Variants in COPS8 observed in about 807,000 individuals in gnomAD.
The protein encoded by COPS8 is COP9 signalosome subunit 8.
A neutral mutation model predicts 31.5 loss-of-function variants in COPS8; 11 were observed. The observed-to-expected ratio is 0.35, with a 90% CI of 0.22 to 0.58. The LOEUF is 0.58. Among genes scored for constraint, COPS8 ranks in the 20% least tolerant of loss-of-function variants. The pLI, the probability that COPS8 is intolerant of heterozygous loss-of-function variation, is 0.83. For missense variants in COPS8, 215 were observed against 255.1 expected (o/e 0.84, Z 1.07); for synonymous variants, 81 against 89.3 (o/e 0.91, Z 0.52).
chr2:237,086,132 A>G, intron 1 of COPS8, 90 bp downstream of exon 1: 3 of 1,282,388 alleles, frequency 2.3e-6, no homozygotes, highest in Non-Finnish European at 3.3e-6. Context: ...GTCTGAGGCT[A>G]GCGGGCTTTG....
rs1348090645 is a variant in COPS8 at position 237,099,554 on chromosome 2, T to TC, written c.*1812_*1813insC. 6.6e-6 allele frequency: 1 copy of TC among 152,212 alleles called. No homozygotes were observed. The highest frequency in any genetic ancestry group is 1.5e-5 in the Non-Finnish European group (1 of 68,032). The allele number at this position is 152,212 out of a possible 1,614,324, so 9.4% of individuals were successfully genotyped here. A position where few individuals can be genotyped will look rare whatever the true frequency, so the allele number is the denominator to read the frequency against. On this transcript the variant is annotated 3_prime_UTR_variant, in exon 8 of 8. Transcript: ENST00000354371. Reference sequence around the variant, plus strand: ...AAAGTATAGATTAAATTAATAATCATGTAACATTAGACCCCAGTAATCTTA... The same window carrying TC: ...AAAGTATAGATTAAATTAATAATCATCGTAACATTAGACCCCAGTAATCTTA...
chr2:237,089,611 C>T (rs192437654), intron 3 of COPS8, among the ~76,000 whole-genome samples: 6 of 152,260 alleles, frequency 3.9e-5, no homozygotes, highest in East Asian at 3.9e-4. Context: ...TTTCTCATGC[C>T]TTAATTTGCT....
At chr2:237,089,500 T>C (rs1290962319) in intron 3 of COPS8, among the ~76,000 whole-genome samples, 1 of 152,226 alleles carries the variant, frequency 6.6e-6, no homozygotes, top group African/African-American at 2.4e-5. Context: ...GACCTAAATA[T>C]ATATTCATAA....
rs1178035756 is a variant in COPS8, at chr2:237,100,011, C to T, written c.*2269C>T. 6.6e-6 allele frequency: 1 copy of T among 152,154 alleles called. No individual in the cohort carries two copies. Among genetic ancestry groups the T allele is most frequent in the East Asian group, 1.9e-4 (1 of 5,202 alleles). The allele number at this position is 152,154 out of a possible 1,614,324, so 9.4% of individuals were successfully genotyped here. A position where few individuals can be genotyped will look rare whatever the true frequency, so the allele number is the denominator to read the frequency against. On this transcript the variant is annotated 3_prime_UTR_variant, in exon 8 of 8. Transcript: ENST00000354371. ...GCAGGGTAAGTGCTTGATTTCACTT[C>T]CCTTTATTATCAGTTCTCAGGACAA...
chr2:237,090,514 C>T (rs1301491022), intron 4 of COPS8, among the ~76,000 whole-genome samples: 1 of 152,194 alleles, frequency 6.6e-6, no homozygotes, highest in Non-Finnish European at 1.5e-5. Flanking sequence ...AGTCTCTCAC[C>T]CCTAGCATTT....
chr2:237,096,071 T>G (rs1412706821), intron 6 of COPS8, among the ~76,000 whole-genome samples, 187 bp downstream of exon 6: 2 of 152,232 alleles, frequency 1.3e-5, no homozygotes, highest in Non-Finnish European at 2.9e-5. Flanking sequence ...CTTAAAAATG[T>G]ATTTCCTGTA....
In COPS8 at chr2:237,097,894, A is replaced by C. The variant is rs1574840041; in HGVS notation, c.*152A>C. The C allele has an allele frequency of 1.8e-6, 1 of 546,564 alleles. No individual in the cohort carries two copies. The highest frequency in any genetic ancestry group is 3.2e-6 in the Non-Finnish European group (1 of 309,784). 33.9% of individuals were successfully genotyped at this position (546,564 alleles called of 1,614,324 possible). On this transcript the variant is annotated 3_prime_UTR_variant, in exon 8 of 8. Coordinates refer to ENST00000354371, the MANE Select transcript of COPS8 (RefSeq NM_006710.5). ...ATACATATAGAATATAAGATATACT[A>C]TATACATTTTGTCCATAAACGTTAT...
intron 2 of COPS8, among the ~76,000 whole-genome samples, chr2:237,088,060 CT>C (rs1249553341): frequency 6.6e-6 from 1 of 150,392 alleles, no homozygotes; most frequent in African/African-American, 2.4e-5. Flanking sequence ...TTTTTAAAAA[CT>C]AAATTGAAAT....
chr2:237,099,879 T>C lies in COPS8; in HGVS notation c.*2137T>C, dbSNP rs1696866406. ...CTGTCAAAGGGTTATACAAGCCAAC[T>C]TGAAGGGATTTCTACAGGCCATGTA... On this transcript the variant is annotated 3_prime_UTR_variant, in exon 8 of 8. Transcript: ENST00000354371. 1 of 152,224 alleles carries C rather than the reference T, an allele frequency of 6.6e-6. No homozygotes were observed. The highest frequency in any genetic ancestry group is 2.4e-5 in the African/African-American group (1 of 41,464). 9.4% of individuals were successfully genotyped at this position (152,224 alleles called of 1,614,324 possible). A position where few individuals can be genotyped will look rare whatever the true frequency, so the allele number is the denominator to read the frequency against.
rs1305331357 is a variant in COPS8, at chr2:237,099,008, G to C, written c.*1266G>C. The C allele has an allele frequency of 1.3e-5, 2 of 152,144 alleles. No individual in the cohort carries two copies. Among genetic ancestry groups the C allele is most frequent in the East Asian group, 3.9e-4 (2 of 5,194 alleles). The allele number at this position is 152,144 out of a possible 1,614,324, so 9.4% of individuals were successfully genotyped here. A position where few individuals can be genotyped will look rare whatever the true frequency, so the allele number is the denominator to read the frequency against. ...CAGAGGATCAGGAGAGTGATCAAGA[G>C]AATGACAGTGCCAGTTTTTTTAACT... On this transcript the variant is annotated 3_prime_UTR_variant, in exon 8 of 8. Transcript: ENST00000354371.
intron 2 of COPS8, 59 bp from the exon 3 acceptor site, chr2:237,088,546 A>G: frequency 7.6e-7 from 1 of 1,308,520 alleles, no homozygotes; most frequent in Non-Finnish European, 1.1e-6. Context: ...AGTTTTTAAC[A>G]TTTCCTGAGA....
intron 6 of COPS8, 52 bp from the exon 7 acceptor site, chr2:237,096,770 T>A: frequency 7.1e-7 from 1 of 1,401,448 alleles, no homozygotes; most frequent in Non-Finnish European, 1.0e-6. Flanking sequence ...CTATGAAAGA[T>A]CTTTACAATG....
chr2:237,096,639 C>T, intron 6 of COPS8, 183 bp from the exon 7 acceptor site: 1 of 640,672 alleles, frequency 1.6e-6, no homozygotes, highest in South Asian at 1.8e-5. Flanking sequence ...GACATGATCC[C>T]AGTCAAGTGA....
Position 237,087,151 on chromosome 2 carries a change from C to G in COPS8, c.103C>G (p.Pro35Ala), listed in dbSNP as rs538156644. The G allele has an allele frequency of 2.5e-6, 4 of 1,608,160 alleles. No individual in the cohort carries two copies. In the African/African-American group the frequency reaches 5.3e-5, roughly 21 times the overall value. Reference protein sequence around the residue: ...LEAPGGIATPPVYGQLLALYL... With the variant: ...LEAPGGIATPAVYGQLLALYL... ...GGCCCCTGGAGGAATTGCTACACCC[C>G]CAGTGTATGGTCAGCTTCTAGCTTT... The change falls in exon 2 of 8, where the codon CCA becomes GCA. Residue 35 changes from proline to alanine, a missense_variant. Pro to Ala is a conservative substitution (Grantham distance 27). Transcript: ENST00000354371.
intron 4 of COPS8, among the ~76,000 whole-genome samples, chr2:237,091,694 A>G (rs1696708864): frequency 6.6e-6 from 1 of 152,238 alleles, no homozygotes; most frequent in African/African-American, 2.4e-5. Flanking sequence ...GAAGCTAGTG[A>G]AAACTATTTT....
chr2:237,090,818 G>A (rs1290913925), intron 4 of COPS8, among the ~76,000 whole-genome samples: 2 of 152,196 alleles, frequency 1.3e-5, no homozygotes, highest in African/African-American at 2.4e-5. Context: ...CAATGTAAGT[G>A]ACAGAACAGG....
chr2:237,091,052 A>C (rs896503335), intron 4 of COPS8, among the ~76,000 whole-genome samples: 9 of 152,172 alleles, frequency 5.9e-5, no homozygotes, highest in Non-Finnish European at 1.3e-4. Flanking sequence ...GTCACAGGCC[A>C]TGTGCCTTTT....
Position 237,085,910 on chromosome 2 carries a change from G to A in COPS8, c.-55G>A. The A allele has an allele frequency of 6.4e-7, 1 of 1,554,646 alleles. No individual in the cohort carries two copies. The highest frequency in any genetic ancestry group is 8.8e-7 in the Non-Finnish European group (1 of 1,136,076). On this transcript the variant is annotated 5_prime_UTR_variant, in exon 1 of 8. Transcript: ENST00000354371. Reference sequence around the variant, plus strand: ...CGTCATCGCGGGCGCGACGCCTGAGGGACAGTCTGGGGTTTGGCTGTCCGG... The same window carrying A: ...CGTCATCGCGGGCGCGACGCCTGAGAGACAGTCTGGGGTTTGGCTGTCCGG...
At chr2:237,093,231 G>A (rs971217736) in intron 4 of COPS8, among the ~76,000 whole-genome samples, 3 of 152,198 alleles carry the variant, frequency 2.0e-5, no homozygotes, top group African/African-American at 7.2e-5. Context: ...GTATCTGGGG[G>A]AATTGGTGTA....
Sources: allele counts gnomAD v4.1 joint callset (sites outside exome capture counted in the v4.1 genomes callset), GRCh38; gene constraint gnomAD v4.1.1; transcripts MANE v1.5; gene names NCBI Gene and HGNC (gene_info 2026-07-23, HGNC 2026-07-21).